Variants in MBD2 observed in about 807,000 individuals in gnomAD.
The protein encoded by MBD2 is methyl-CpG-binding domain protein 2.
A neutral mutation model predicts 39.3 loss-of-function variants in MBD2; 9 were observed. The ratio of observed to expected loss-of-function variants is 0.23; its 90% CI spans 0.14 to 0.40. The LOEUF is 0.40. Ranked by LOEUF, MBD2 falls within the 10% of genes least tolerant of loss-of-function variation. The pLI is 1.00. For missense variants in MBD2, 458 were observed against 532.6 expected (o/e 0.86, Z 1.38); for synonymous variants, 233 against 211.1 (o/e 1.10, Z -0.90).
chr18:54,214,987 G>A (rs868026770), intron 1 of MBD2, among the ~76,000 whole-genome samples: 3 of 152,032 alleles, frequency 2.0e-5, no homozygotes, highest in Non-Finnish European at 2.9e-5. Context: ...TGATCCACCC[G>A]CCTCAGCCTA....
chr18:54,186,373 T>C (rs181874886), intron 3 of MBD2, among the ~76,000 whole-genome samples: 375 of 152,256 alleles, frequency 2.5e-3, no homozygotes, highest in Non-Finnish European at 4.0e-3. Context: ...TAAGAATGGA[T>C]AGCAAAATTG....
chr18:54,202,207 G>A (rs1406357036), intron 2 of MBD2, among the ~76,000 whole-genome samples: 3 of 152,212 alleles, frequency 2.0e-5, no homozygotes, highest in East Asian at 1.9e-4. Context: ...GCTAGGCGTG[G>A]TGGTGGGTGC....
intron 3 of MBD2, among the ~76,000 whole-genome samples, chr18:54,181,335 G>A (rs927859164): frequency 6.6e-6 from 1 of 152,050 alleles, no homozygotes; most frequent in Non-Finnish European, 1.5e-5. Context: ...ATTACTTTAA[G>A]AGTATAAATT....
At chr18:54,166,354 G>A (rs2086132217) in intron 3 of MBD2, among the ~76,000 whole-genome samples, 188 bp from the exon 4 acceptor site, 1 of 152,020 alleles carries the variant, frequency 6.6e-6, no homozygotes, top group Admixed American at 6.6e-5. Context: ...CTCTCAGATG[G>A]CATTGCTCAA....
intron 5 of MBD2, among the ~76,000 whole-genome samples, chr18:54,162,990 G>A (rs1363643924): frequency 6.6e-6 from 1 of 152,026 alleles, no homozygotes; most frequent in Non-Finnish European, 1.5e-5. Flanking sequence ...TATAGGCTGG[G>A]CGTGGTGGCT....
intron 3 of MBD2, among the ~76,000 whole-genome samples, chr18:54,171,454 A>C (rs2086179210): frequency 6.6e-6 from 1 of 152,140 alleles, no homozygotes; most frequent in South Asian, 2.1e-4. Flanking sequence ...TCCAAGTATT[A>C]TTCTTCACTA....
intron 3 of MBD2, among the ~76,000 whole-genome samples, chr18:54,166,982 G>A (rs1599077343): frequency 6.6e-6 from 1 of 152,002 alleles, no homozygotes; most frequent in Non-Finnish European, 1.5e-5. Flanking sequence ...TCTTTATTGA[G>A]CTCCTACTAG....
At chr18:54,222,655 T>C (rs768477649) in intron 1 of MBD2, among the ~76,000 whole-genome samples, 14 of 152,216 alleles carry the variant, frequency 9.2e-5, no homozygotes, top group Non-Finnish European at 1.9e-4. Flanking sequence ...TTTTATCATA[T>C]GAGGTTTCAA....
chr18:54,206,663 A>G (rs1341713272), intron 1 of MBD2, among the ~76,000 whole-genome samples: 1 of 152,092 alleles, frequency 6.6e-6, no homozygotes, highest in South Asian at 2.1e-4. Context: ...TGAAGATGCT[A>G]TCAACATTCT....
chr18:54,198,158 G>C (rs922907468), intron 2 of MBD2, among the ~76,000 whole-genome samples: 2 of 152,204 alleles, frequency 1.3e-5, no homozygotes, highest in Admixed American at 6.5e-5. Context: ...CTGGTCATCA[G>C]AATGGTCCTA....
chr18:54,219,559 T>G (rs1404063818), intron 1 of MBD2, among the ~76,000 whole-genome samples: 1 of 152,220 alleles, frequency 6.6e-6, no homozygotes, highest in Non-Finnish European at 1.5e-5. Flanking sequence ...AGAAAAGGCT[T>G]TTTATTGGAA....
At chr18:54,171,006 A>C (rs1235514963) in intron 3 of MBD2, among the ~76,000 whole-genome samples, 1 of 152,152 alleles carries the variant, frequency 6.6e-6, no homozygotes, top group Admixed American at 6.5e-5. Flanking sequence ...TATTCAATAG[A>C]TCTGGGATTA....
At chr18:54,164,785 T>A in intron 4 of MBD2, 85 bp from the exon 5 acceptor site, 1 of 1,083,424 alleles carries the variant, frequency 9.2e-7, no homozygotes, top group Non-Finnish European at 1.3e-6. Flanking sequence ...CTGATATTTT[T>A]ATATTCATTT....
Position 54,159,377 on chromosome 18 carries a change from C to T in MBD2, c.*12+388G>A, listed in dbSNP as rs546254270. Among the ~76,000 whole-genome samples the T allele has an allele frequency of 3.3e-5, 5 of 151,818 alleles. No homozygotes were observed. In the South Asian group the frequency reaches 6.2e-4, roughly 19 times the overall value. ...AGAGGAGTAGCTTTTTCATTCACTG[C>T]TGAGGAAGCTACAGGGAAAATAACA... On this transcript the variant is annotated intron_variant, in intron 6 of 6. Transcript: ENST00000256429.
chr18:54,223,944 C>T, intron 1 of MBD2, 74 bp downstream of exon 1: 1 of 1,335,800 alleles, frequency 7.5e-7, no homozygotes, highest in Non-Finnish European at 1.0e-6. Context: ...AGCGCTCATC[C>T]TCTGCCCAGG....
intron 1 of MBD2, among the ~76,000 whole-genome samples, chr18:54,216,890 A>G (rs1029825436): frequency 6.6e-6 from 1 of 152,212 alleles, no homozygotes; most frequent in Admixed American, 6.5e-5. Flanking sequence ...CAGGAGTTCG[A>G]GACCAGCCTG....
In MBD2 at chr18:54,153,371, G is replaced by A. The variant is rs950485012; in HGVS notation, c.*1953C>T. 1.3e-5 allele frequency: 2 copies of A among 151,794 alleles called. No individual in the cohort carries two copies. The highest frequency in any genetic ancestry group is 4.8e-5 in the African/African-American group (2 of 41,278). 9.4% of individuals were successfully genotyped at this position (151,794 alleles called of 1,614,324 possible). A position where few individuals can be genotyped will look rare whatever the true frequency, so the allele number is the denominator to read the frequency against. On this transcript the variant is annotated 3_prime_UTR_variant, in exon 7 of 7. Transcript: ENST00000256429. Reference sequence around the variant, plus strand: ...ACATGTTGTCTTGTGGGTATATTGGGAACACCCTGGACTTATGGGATGGTC... The same window carrying A: ...ACATGTTGTCTTGTGGGTATATTGGAAACACCCTGGACTTATGGGATGGTC...
At chr18:54,199,311 G>A (rs1237346706) in intron 2 of MBD2, among the ~76,000 whole-genome samples, 1 of 152,010 alleles carries the variant, frequency 6.6e-6, no homozygotes, top group African/African-American at 2.4e-5. Context: ...TATCCTCCCT[G>A]ATCTCTAACA....
rs568580136 is a variant in MBD2 at position 54,181,586 on chromosome 18, A to G, written c.840+7288T>C. Among the ~76,000 whole-genome samples, 116 of 151,860 alleles carry G rather than the reference A, an allele frequency of 7.6e-4. 1 individual carries two copies. The Middle Eastern group carries it at 0.01, about 13-fold the overall frequency. ...GCGATCTCGGCTCACTACAACCTCC[A>G]CCTCCCAGGTTCAGGCAATTCTCTG... is the stretch of plus-strand genomic sequence containing the variant. On this transcript the variant is annotated intron_variant, in intron 3 of 6. Transcript: ENST00000256429.
Sources: gnomAD v4.1 joint callset for allele counts (sites outside exome capture counted in the v4.1 genomes callset) on GRCh38, gnomAD v4.1.1 for gene constraint, MANE v1.5 for transcripts, NCBI Gene and HGNC (gene_info 2026-07-23, HGNC 2026-07-21) for gene names.